PCDHA2: variants seen among roughly 807,000 people sequenced by gnomAD.
The protein encoded by PCDHA2 is protocadherin alpha 2, also known as protocadherin alpha-2.
PCDHA2 carries 58 observed loss-of-function variants against 66.0 expected under a neutral mutation model. That is an observed-to-expected ratio of 0.88 (90% CI 0.71 to 1.09). The LOEUF is 1.09. Ranked by LOEUF, PCDHA2 falls within the 50% of genes least tolerant of loss-of-function variation. The pLI, the probability that PCDHA2 is intolerant of heterozygous loss-of-function variation, is 0.00. For synonymous variants in PCDHA2, 634 were observed against 554.0 expected, an observed-to-expected ratio of 1.14 and a Z score of -2.03; for missense variants, 1,267 against 1,242.3, an observed-to-expected ratio of 1.02 and a Z score of -0.30.
At chr5:140,967,253 C>T in intron 1 of PCDHA2, 4 of 1,613,546 alleles carry the variant, frequency 2.5e-6, no homozygotes, top group South Asian at 1.1e-5. Context: ...ATCGGTGGCG[C>T]CTGGAGCGCG....
chr5:140,822,588 C>T (rs2150117602), intron 1 of PCDHA2: 1 of 1,609,664 alleles, frequency 6.2e-7, no homozygotes, highest in South Asian at 1.1e-5. Flanking sequence ...CAGATGAGGG[C>T]ATCAATAAGG....
chr5:140,881,837 A>G (rs1554172601), intron 1 of PCDHA2, among the ~76,000 whole-genome samples: 1 of 152,238 alleles, frequency 6.6e-6, no homozygotes, highest in Admixed American at 6.5e-5. Flanking sequence ...TTCTGCATGG[A>G]ATTCTTACAC....
chr5:140,997,668 T>TTGTGTGTGTGTGTGTG (rs35184029), intron 3 of PCDHA2, among the ~76,000 whole-genome samples: 13 of 148,244 alleles, frequency 8.8e-5, no homozygotes, highest in African/African-American at 2.2e-4. Flanking sequence ...ATTATACAGC[T>TTGTGTGTGTGTGTGTG]TGTGTGTGTG....
chr5:140,807,568 C>G lies in PCDHA2; in HGVS notation c.2388+10216C>G, dbSNP rs782590169. 6.8e-6 allele frequency: 11 copies of G among 1,614,056 alleles called. No homozygotes were observed. The African/African-American group carries it at 1.5e-4, about 22-fold the overall frequency. On this transcript the variant is annotated intron_variant, in intron 1 of 3. Coordinates refer to ENST00000526136, the MANE Select transcript of PCDHA2 (RefSeq NM_018905.3). Reference sequence around the variant, plus strand: ...TGGACGTGGAGGTGAGGGACATTAACGATAACCCGCCGGTGTTCCCAGCAA... The same window carrying G: ...TGGACGTGGAGGTGAGGGACATTAAGGATAACCCGCCGGTGTTCCCAGCAA...
chr5:140,875,952 G>A (rs782164384), intron 1 of PCDHA2: 2 of 1,614,102 alleles, frequency 1.2e-6, no homozygotes, highest in South Asian at 2.2e-5. Flanking sequence ...CTTCTGATGC[G>A]GATATCGGCG....
chr5:140,797,017 G>A lies in PCDHA2; in HGVS notation c.2053G>A (p.Gly685Ser). The part of the protein sequence containing the change: ...APKASSRAWV[G>S]AAGSEATLVD... The stretch of plus-strand genomic sequence containing the variant: ...CAAGGCCTCGTCGCGGGCGTGGGTG[G>A]GCGCCGCGGGCTCAGAGGCTACGCT... Residue 685 changes from glycine to serine, a missense_variant, in exon 1 of 4, where the codon GGC becomes AGC. Coordinates refer to ENST00000526136, the MANE Select transcript of PCDHA2 (RefSeq NM_018905.3). 1 of 1,613,728 alleles carries A rather than the reference G, an allele frequency of 6.2e-7. No individual in the cohort carries two copies. Among genetic ancestry groups the A allele is most frequent in the Admixed American group, 1.7e-5 (1 of 60,034 alleles).
chr5:140,945,992 G>T (rs1271634546), intron 1 of PCDHA2, among the ~76,000 whole-genome samples: 1 of 151,978 alleles, frequency 6.6e-6, no homozygotes, highest in Non-Finnish European at 1.5e-5. Flanking sequence ...CTAATGGATT[G>T]CATCAAACTA....
At chr5:140,823,616 C>T in intron 1 of PCDHA2, 1 of 1,614,036 alleles carries the variant, frequency 6.2e-7, no homozygotes. Flanking sequence ...CAGCCAGCGC[C>T]TGGCAGTGCG....
chr5:140,980,724 T>G (rs2096903192), intron 2 of PCDHA2, among the ~76,000 whole-genome samples: 1 of 152,176 alleles, frequency 6.6e-6, no homozygotes, highest in Non-Finnish European at 1.5e-5. Flanking sequence ...GGGTTTCAAT[T>G]AAGATATTAT....
intron 1 of PCDHA2, among the ~76,000 whole-genome samples, chr5:140,893,408 T>C (rs1562871197): frequency 6.6e-6 from 1 of 152,076 alleles, no homozygotes; most frequent in Non-Finnish European, 1.5e-5. Flanking sequence ...ATCCCAGCAC[T>C]TAGGGAGGCA....
intron 1 of PCDHA2, chr5:140,853,462 C>A: frequency 1.0e-6 from 1 of 971,970 alleles, no homozygotes; most frequent in Non-Finnish European, 1.2e-6. Context: ...TCCTTATATG[C>A]ATCTGTAGTT....
At chr5:140,898,677 T>C (rs1197350501) in intron 1 of PCDHA2, among the ~76,000 whole-genome samples, 2 of 152,222 alleles carry the variant, frequency 1.3e-5, no homozygotes, top group Non-Finnish European at 2.9e-5. Flanking sequence ...TTGCGGGCTG[T>C]TTTTTGGTTC....
chr5:140,820,008 T>C (rs1766668534), intron 1 of PCDHA2, among the ~76,000 whole-genome samples: 2 of 152,032 alleles, frequency 1.3e-5, no homozygotes, highest in South Asian at 4.1e-4. Context: ...CTACTATAAT[T>C]TATTCCATAG....
At chr5:140,973,062 G>GTC (rs1554234872) in intron 1 of PCDHA2, among the ~76,000 whole-genome samples, 1 of 152,138 alleles carries the variant, frequency 6.6e-6, no homozygotes, top group African/African-American at 2.4e-5. Context: ...GTCCAACAGT[G>GTC]TCTCAGTGGG....
chr5:140,971,778 G>T (rs1346530602), intron 1 of PCDHA2, among the ~76,000 whole-genome samples: 1 of 151,860 alleles, frequency 6.6e-6, no homozygotes, highest in Admixed American at 6.6e-5. Flanking sequence ...TATTATTCAA[G>T]ATTATTCAAT....
intron 1 of PCDHA2, chr5:140,802,667 G>A: frequency 1.2e-6 from 2 of 1,613,508 alleles, no homozygotes; most frequent in East Asian, 2.2e-5. Flanking sequence ...ACGCCCTGGT[G>A]TCCTACTCGC....
At chr5:140,822,944 C>A (rs2150120585) in intron 1 of PCDHA2, 2 of 1,614,240 alleles carry the variant, frequency 1.2e-6, no homozygotes. Context: ...TCCCTAATGC[C>A]CCACGTTCCC....
chr5:140,834,106 C>A, intron 1 of PCDHA2: 2 of 396,430 alleles, frequency 5.0e-6, no homozygotes, highest in Non-Finnish European at 4.5e-6. Context: ...GAAAAAAATT[C>A]AGAGTTTGAA....
At chr5:140,808,938 C>A (rs782653809) in intron 1 of PCDHA2, 1 of 1,613,692 alleles carries the variant, frequency 6.2e-7, no homozygotes, top group South Asian at 1.1e-5. Flanking sequence ...GTGCCATGGT[C>A]GGTGGGTGTG....
Sources: allele counts gnomAD v4.1 joint callset (sites outside exome capture counted in the v4.1 genomes callset), GRCh38; gene constraint gnomAD v4.1.1; transcripts MANE v1.5; gene names NCBI Gene and HGNC (gene_info 2026-07-23, HGNC 2026-07-21).